Variants in KIAA1549L observed in about 807,000 individuals in gnomAD.
The protein encoded by KIAA1549L is UPF0606 protein KIAA1549L.
Under a neutral mutation model 160.7 loss-of-function variants are expected in KIAA1549L, and 88 were observed. The observed-to-expected ratio is 0.55, with a 90% confidence interval of 0.46 to 0.65. The LOEUF is 0.65. Among genes scored for constraint, KIAA1549L ranks in the 30% least tolerant of loss-of-function variants. The pLI, the probability that KIAA1549L is intolerant of heterozygous loss-of-function variation, is 0.00. For synonymous variants in KIAA1549L, 950 were observed against 976.7 expected (o/e 0.97, Z 0.51); for missense variants, 2,258 against 2,437.5 (o/e 0.93, Z 1.55).
intron 1 of KIAA1549L, among the ~76,000 whole-genome samples, chr11:33,541,189 G>A (rs1423434194): frequency 6.6e-6 from 1 of 152,196 alleles, no homozygotes; most frequent in Non-Finnish European, 1.5e-5. Context: ...ACCAGGCCCT[G>A]TGAGAAGTGT....
rs1852677992 is a variant in KIAA1549L at position 33,671,617 on chromosome 11, C to CACACACACACACACACACACACA, written c.*3463_*3464insACACACACACACACACACACACA. On this transcript the variant is annotated 3_prime_UTR_variant, in exon 21 of 21. Transcript: ENST00000658780. ...ACACACACACACACACACACACACA[C>CACACACACACACACACACACACA]CCTACTTCGGAGAGAGAATGTAGAA... 1.3e-5 allele frequency: 2 copies of CACACACACACACACACACACACA among 150,976 alleles called. No individual in the cohort carries two copies. The highest frequency in any genetic ancestry group is 2.4e-5 in the African/African-American group (1 of 40,986). The allele number at this position is 150,976 out of a possible 1,614,324, so 9.4% of individuals were successfully genotyped here. A position where few individuals can be genotyped will look rare whatever the true frequency, so the allele number is the denominator to read the frequency against.
intron 17 of KIAA1549L, among the ~76,000 whole-genome samples, chr11:33,650,505 G>A (rs1196436803): frequency 6.6e-6 from 1 of 152,158 alleles, no homozygotes; most frequent in Non-Finnish European, 1.5e-5. Context: ...TGGGTAGGGG[G>A]AAGGCTGCAG....
intron 1 of KIAA1549L, among the ~76,000 whole-genome samples, chr11:33,477,405 G>A (rs767988020): frequency 4.6e-5 from 7 of 152,154 alleles, no homozygotes; most frequent in Non-Finnish European, 8.8e-5. Flanking sequence ...TCTGCCCAAT[G>A]GGATGGAACA....
intron 1 of KIAA1549L, chr11:33,403,396 TGGACATGG>T (rs1850573077): frequency 3.4e-5 from 1 of 29,110 alleles, no homozygotes; most frequent in African/African-American, 1.9e-4. Context: ...GGGACACACA[TGGACATGG>T]ACACACAGAC....
intron 1 of KIAA1549L, among the ~76,000 whole-genome samples, chr11:33,397,825 A>C (rs1007892066): frequency 1.3e-5 from 2 of 150,970 alleles, no homozygotes; most frequent in Non-Finnish European, 2.9e-5. Flanking sequence ...AATAAAGGAA[A>C]TTTTTGAAAG....
intron 1 of KIAA1549L, among the ~76,000 whole-genome samples, chr11:33,494,319 T>G (rs866260144): frequency 6.6e-6 from 1 of 152,270 alleles, no homozygotes; most frequent in African/African-American, 2.4e-5. Flanking sequence ...CCATTCCTAA[T>G]GGAAAAGCCA....
At chr11:33,480,778 G>A (rs1319876964) in intron 1 of KIAA1549L, among the ~76,000 whole-genome samples, 1 of 152,190 alleles carries the variant, frequency 6.6e-6, no homozygotes, top group Non-Finnish European at 1.5e-5. Context: ...AAACTCTGCA[G>A]TGAGACTGCC....
At chr11:33,579,035 A>G (rs735327) in intron 10 of KIAA1549L, among the ~76,000 whole-genome samples, 52,298 of 152,044 alleles carry the variant, frequency 0.34, 10,888 homozygotes, top group African/African-American at 0.59. Flanking sequence ...AGGAGACACC[A>G]TAGCACTTGA....
At chr11:33,503,454 C>T (rs1432038700) in intron 1 of KIAA1549L, among the ~76,000 whole-genome samples, 1 of 152,094 alleles carries the variant, frequency 6.6e-6, no homozygotes, top group Non-Finnish European at 1.5e-5. Flanking sequence ...GTATGTGTTT[C>T]CATTGAGAAT....
At chr11:33,468,627 A>T (rs990323463) in intron 1 of KIAA1549L, among the ~76,000 whole-genome samples, 13 of 152,188 alleles carry the variant, frequency 8.5e-5, no homozygotes, top group African/African-American at 2.9e-4. Context: ...ATCCTCTTTT[A>T]TGTACTGGTG....
intron 7 of KIAA1549L, among the ~76,000 whole-genome samples, chr11:33,560,784 TAAAC>T (rs1416473968): frequency 2.0e-5 from 3 of 152,180 alleles, no homozygotes; most frequent in Non-Finnish European, 4.4e-5. Flanking sequence ...ATACTGTAAA[TAAAC>T]AAGATAATAC....
At chr11:33,393,917 C>T (rs867878759) in intron 1 of KIAA1549L, among the ~76,000 whole-genome samples, 1 of 152,202 alleles carries the variant, frequency 6.6e-6, no homozygotes, top group African/African-American at 2.4e-5. Flanking sequence ...CTGGTATGTT[C>T]TCACAGTACC....
At chr11:33,463,434 G>A (rs973271688) in intron 1 of KIAA1549L, among the ~76,000 whole-genome samples, 1 of 151,174 alleles carries the variant, frequency 6.6e-6, no homozygotes, top group South Asian at 2.1e-4. Flanking sequence ...TAGTTATGAC[G>A]ACCACCAGTT....
intron 1 of KIAA1549L, among the ~76,000 whole-genome samples, chr11:33,506,847 T>C (rs1306458699): frequency 6.6e-6 from 1 of 152,186 alleles, no homozygotes; most frequent in East Asian, 1.9e-4. Context: ...TATAAATCTG[T>C]ATTAAAAAAC....
chr11:33,407,136 G>A (rs1051380707), intron 1 of KIAA1549L, among the ~76,000 whole-genome samples: 1 of 142,564 alleles, frequency 7.0e-6, no homozygotes, highest in African/African-American at 2.6e-5. Flanking sequence ...CCAGGCTGGA[G>A]TGCAGTGGCG....
intron 1 of KIAA1549L, among the ~76,000 whole-genome samples, chr11:33,464,434 C>T (rs1002544200): frequency 4.0e-5 from 6 of 151,654 alleles, no homozygotes; most frequent in Non-Finnish European, 7.4e-5. Flanking sequence ...AGCCAACAGT[C>T]ACGCATCATA....
chr11:33,391,894 T>G (rs1850279532), intron 1 of KIAA1549L, among the ~76,000 whole-genome samples: 1 of 152,276 alleles, frequency 6.6e-6, no homozygotes, highest in Admixed American at 6.5e-5. Flanking sequence ...TACAAGATTC[T>G]TCTTTCACAT....
chr11:33,620,872 A>G (rs1377826688), intron 16 of KIAA1549L, among the ~76,000 whole-genome samples: 2 of 152,228 alleles, frequency 1.3e-5, no homozygotes, highest in African/African-American at 4.8e-5. Flanking sequence ...AGTGAGTCAT[A>G]GTTTTAAACA....
At chr11:33,583,081 C>A (rs1214293461) in intron 10 of KIAA1549L, among the ~76,000 whole-genome samples, 2 of 152,180 alleles carry the variant, frequency 1.3e-5, no homozygotes, top group African/African-American at 2.4e-5. Flanking sequence ...ATTTACTGAG[C>A]AACTACTAGA....
Sources: gnomAD v4.1 joint callset for allele counts (sites outside exome capture counted in the v4.1 genomes callset) on GRCh38, gnomAD v4.1.1 for gene constraint, MANE v1.5 for transcripts, NCBI Gene and HGNC (gene_info 2026-07-23, HGNC 2026-07-21) for gene names.